ANO1: variants seen among roughly 807,000 people sequenced by gnomAD.
ANO1 encodes the protein anoctamin 1.
A neutral mutation model predicts 124.0 loss-of-function variants in ANO1; 59 were observed. The ratio of observed to expected loss-of-function variants is 0.48; its 90% CI spans 0.39 to 0.59. The LOEUF (loss-of-function observed/expected upper bound fraction) is 0.59, where lower values mean the gene tolerates loss of function less well. Among genes scored for constraint, ANO1 ranks in the 20% least tolerant of loss-of-function variants. ANO1 has a pLI of 0.00. For synonymous variants in ANO1, 529 were observed against 532.0 expected (o/e 0.99, Z 0.08); for missense variants, 1,059 against 1,328.0 (o/e 0.80, Z 3.15).
chr11:69,974,887 TAAA>T, the ANO1 span, among the ~76,000 whole-genome samples: 71,375 of 127,080 alleles, frequency 0.56, 19,781 homozygotes, highest in East Asian at 0.79. Flanking sequence ...CCTCCGTCTC[TAAA>T]AAAAAAAAAA....
intron 22 of ANO1, among the ~76,000 whole-genome samples, chr11:70,176,793 C>G (rs76723829): frequency 1.3e-5 from 2 of 152,066 alleles, no homozygotes; most frequent in East Asian, 1.9e-4. Context: ...TTCGGGGGAC[C>G]CTTAGAATTT....
chr11:69,973,304 A>G, the ANO1 span, among the ~76,000 whole-genome samples: 1 of 152,142 alleles, frequency 6.6e-6, no homozygotes, highest in South Asian at 2.1e-4. Context: ...TTTCTCCCCC[A>G]TAAAAATATA....
intron 1 of ANO1, among the ~76,000 whole-genome samples, chr11:70,055,663 T>C (rs181517130): frequency 5.3e-5 from 8 of 152,228 alleles, no homozygotes; most frequent in African/African-American, 1.9e-4. Context: ...CCATTTATAT[T>C]TATTATAATT....
intron 1 of ANO1, among the ~76,000 whole-genome samples, chr11:70,042,665 A>G (rs1385339085): frequency 2.0e-5 from 3 of 152,172 alleles, no homozygotes; most frequent in Admixed American, 1.3e-4. Context: ...AACCACCAGA[A>G]GATAGTAGAT....
the ANO1 span, among the ~76,000 whole-genome samples, chr11:69,977,306 G>A: frequency 2.6e-5 from 4 of 152,200 alleles, no homozygotes; most frequent in African/African-American, 4.8e-5. Flanking sequence ...CAAAGACCAC[G>A]GAAGTAGTCC....
At chr11:70,068,767 A>G (rs891080374) in intron 1 of ANO1, among the ~76,000 whole-genome samples, 15 of 152,226 alleles carry the variant, frequency 9.9e-5, no homozygotes, top group African/African-American at 3.6e-4. Flanking sequence ...ACTGTTCTGA[A>G]GTGGTGGGAA....
chr11:70,183,616 C>T (rs1264751477), intron 24 of ANO1, among the ~76,000 whole-genome samples: 1 of 152,198 alleles, frequency 6.6e-6, no homozygotes, highest in Non-Finnish European at 1.5e-5. Context: ...CGAGCTGGTG[C>T]GTGTGGCTTC....
the ANO1 span, among the ~76,000 whole-genome samples, chr11:69,968,667 A>C: frequency 6.6e-6 from 1 of 152,174 alleles, no homozygotes; most frequent in African/African-American, 2.4e-5. Flanking sequence ...TCGCTCTGTC[A>C]TTCCTCAGGC....
chr11:69,979,108 T>C, the ANO1 span, among the ~76,000 whole-genome samples: 1 of 152,178 alleles, frequency 6.6e-6, no homozygotes, highest in Non-Finnish European at 1.5e-5. Flanking sequence ...CTGAGAGGCC[T>C]CCCTTGAGCC....
At chr11:70,153,303 T>C (rs557259727) in intron 14 of ANO1, among the ~76,000 whole-genome samples, 175 bp downstream of exon 14, 3 of 152,366 alleles carry the variant, frequency 2.0e-5, no homozygotes, top group African/African-American at 7.2e-5. Flanking sequence ...GGTAAACACA[T>C]GGGCCTGTGT....
intron 1 of ANO1, among the ~76,000 whole-genome samples, chr11:69,987,503 G>A (rs1554996990): frequency 6.6e-6 from 1 of 151,188 alleles, no homozygotes; most frequent in East Asian, 2.0e-4. Context: ...TGTTGTCCCG[G>A]GGCTACCTGA....
rs1555000825 is a variant in ANO1 at position 70,010,171 on chromosome 11, G to GTGTGTGTGTA, written c.58+24007_58+24016dup. Among the ~76,000 whole-genome samples the GTGTGTGTGTA allele has an allele frequency of 2.7e-3, 134 of 50,210 alleles. 5 individuals are homozygous for GTGTGTGTGTA. The highest frequency in any genetic ancestry group is 0.013 in the South Asian group (15 of 1,138). The allele number at this position is 50,210 out of a possible 152,430, so 32.9% of individuals were successfully genotyped here. A position where few individuals can be genotyped will look rare whatever the true frequency, so the allele number is the denominator to read the frequency against. On this transcript the variant is annotated intron_variant, in intron 1 of 27. Coordinates refer to the ANO1 transcript ENST00000531349. ...TGTGTGTGTGTGTGTGTGTGCGCGT[G>GTGTGTGTGTA]TGTGTGTGTATATATATATATATAT...
At chr11:70,129,918 G>C (rs2046677253) in intron 10 of ANO1, among the ~76,000 whole-genome samples, 1 of 152,152 alleles carries the variant, frequency 6.6e-6, no homozygotes, top group African/African-American at 2.4e-5. Context: ...ACCGTGCCTG[G>C]CCCTACACCA....
intron 8 of ANO1, among the ~76,000 whole-genome samples, chr11:70,122,662 ATCTG>A (rs1450014590): frequency 8.6e-5 from 8 of 93,458 alleles, no homozygotes; most frequent in African/African-American, 3.4e-4. Context: ...CTGTCTCTCC[ATCTG>A]TCTCTGTCTC....
At chr11:69,987,464 C>G (rs1264657254) in intron 1 of ANO1, among the ~76,000 whole-genome samples, 2 of 152,224 alleles carry the variant, frequency 1.3e-5, no homozygotes, top group Admixed American at 6.5e-5. Context: ...CAGCCAGTAA[C>G]TGATGGCACC....
chr11:70,000,975 A>G (rs1856372279), intron 1 of ANO1, among the ~76,000 whole-genome samples: 1 of 151,834 alleles, frequency 6.6e-6, no homozygotes, highest in Non-Finnish European at 1.5e-5. Context: ...CCTACTGCTC[A>G]TGGGTGTGGA....
chr11:70,043,382 A>G (rs1481622561), intron 1 of ANO1, among the ~76,000 whole-genome samples: 1 of 152,226 alleles, frequency 6.6e-6, no homozygotes, highest in East Asian at 1.9e-4. Context: ...CTAAAAGTCC[A>G]AGAAATGGAA....
intron 11 of ANO1, among the ~76,000 whole-genome samples, chr11:70,146,323 G>A (rs1441432245): frequency 2.0e-5 from 3 of 152,156 alleles, no homozygotes; most frequent in Admixed American, 1.3e-4. Flanking sequence ...GCCTGCGGTC[G>A]TTGTGAGGAT....
At chr11:70,105,323 A>T (rs1387935792) in intron 4 of ANO1, among the ~76,000 whole-genome samples, 1 of 152,160 alleles carries the variant, frequency 6.6e-6, no homozygotes, top group African/African-American at 2.4e-5. Flanking sequence ...AAATACAGGG[A>T]GATTGTTTTC....
Sources: gnomAD v4.1 joint callset for allele counts (sites outside exome capture counted in the v4.1 genomes callset) on GRCh38, gnomAD v4.1.1 for gene constraint, MANE v1.5 for transcripts, NCBI Gene and HGNC (gene_info 2026-07-23, HGNC 2026-07-21) for gene names.